NOS3: variants seen among roughly 807,000 people sequenced by gnomAD.
NOS3 encodes nitric oxide synthase 3.
A neutral mutation model predicts 144.9 loss-of-function variants in NOS3; 98 were observed. The observed-to-expected ratio is 0.68, with a 90% CI of 0.57 to 0.80. The LOEUF is 0.80. NOS3 is among the 30% of genes least tolerant of loss of function. NOS3 has a pLI of 0.00. For synonymous variants in NOS3, 714 were observed against 702.4 expected, an observed-to-expected ratio of 1.02 and a Z score of -0.26; for missense variants, 1,465 against 1,656.4, an observed-to-expected ratio of 0.88 and a Z score of 2.01.
chr7:150,993,621 G>A lies in NOS3; in HGVS notation c.-51-132G>A, dbSNP rs1230438638. On this transcript the variant is annotated intron_variant, in intron 1 of 26. Coordinates refer to ENST00000297494, the MANE Select transcript of NOS3 (RefSeq NM_000603.5). This position sits in a 1 kb window ranked among gnomAD's most constrained non-coding sequence, Gnocchi z 4.0. ...CACCCTTCAGGCCAGCGGGCGTGGA[G>A]CTGAGGCTTTAGAGCCTCCCAGCCG... The A allele has an allele frequency of 1.0e-5, 6 of 599,838 alleles. No individual in the cohort carries two copies. The highest frequency in any genetic ancestry group is 1.7e-5 in the Non-Finnish European group (6 of 353,722). The allele number at this position is 599,838 out of a possible 1,614,324, so 37.2% of individuals were successfully genotyped here. A position where few individuals can be genotyped will look rare whatever the true frequency, so the allele number is the denominator to read the frequency against.
At position 151,013,552 on chromosome 7, in the gene NOS3, T is replaced by TCCCGCCCCTGC. The variant is rs902753979; in HGVS notation, c.3256-162_3256-152dup. ...CCCCGGCCCCTCTAGGCCCGCCTCCTCCCGCCCCTGCCCCGCCCCTTTGGC... is the reference window on the plus strand; with the variant it reads ...CCCCGGCCCCTCTAGGCCCGCCTCCTCCCGCCCCTGCCCCGCCCCTGCCCCGCCCCTTTGGC... On this transcript the variant is annotated intron_variant, in intron 25 of 26. Transcript: ENST00000297494. 103 of 931,752 alleles carry TCCCGCCCCTGC rather than the reference T, an allele frequency of 1.1e-4. No individual in the cohort carries two copies. In the African/African-American group the frequency reaches 1.4e-3, roughly 13 times the overall value. 57.7% of individuals were successfully genotyped at this position (931,752 alleles called of 1,614,324 possible).
Position 151,001,829 on chromosome 7 carries a change from A to C in NOS3, c.1511A>C (p.Lys504Thr). The C allele has an allele frequency of 6.2e-7, 1 of 1,613,744 alleles. No homozygotes were observed. Among genetic ancestry groups the C allele is most frequent in the Non-Finnish European group, 8.5e-7 (1 of 1,180,028 alleles). ...KTFKEVANAVKISASLMGTVM... is the reference protein window; with the variant it reads ...KTFKEVANAVTISASLMGTVM... ...ACCTTCCTCTCCCGCAGCGCCGTGA[A>C]GATCTCCGCCTCGCTCATGGGCACG... Residue 504 changes from lysine to threonine, a missense_variant, in exon 13 of 27, where the codon AAG becomes ACG. By Grantham distance (78) the Lys-to-Thr change is moderately conservative. Coordinates refer to ENST00000297494, the MANE Select transcript of NOS3 (RefSeq NM_000603.5).
At position 151,002,591 on chromosome 7, in the gene NOS3, C is replaced by T. The variant is rs1474461959; in HGVS notation, c.1752+287C>T. On this transcript the variant is annotated intron_variant, in intron 14 of 26. Transcript: ENST00000297494. This position sits in a 1 kb window ranked among gnomAD's most constrained non-coding sequence, Gnocchi z 4.1. ...CGCGTCCCCAAGTCATTTCCATTAT[C>T]AGTGCAAGTTTTTAATACAAGGAAG... 6.6e-6 allele frequency among the ~76,000 whole-genome samples: 1 copy of T among 152,186 alleles called. No individual in the cohort carries two copies. Among genetic ancestry groups the T allele is most frequent in the Admixed American group, 6.5e-5 (1 of 15,270 alleles).
intron 12 of NOS3, 53 bp downstream of exon 12, chr7:151,001,670 TC>T (rs1224512598): frequency 1.9e-6 from 3 of 1,579,160 alleles, no homozygotes; most frequent in East Asian, 2.2e-5. Context: ...GGCCCCACTC[TC>T]CCCCACACAC....
chr7:151,001,574 G>A lies in NOS3; in HGVS notation c.1459G>A (p.Gly487Ser). The A allele has an allele frequency of 6.2e-7, 1 of 1,614,016 alleles. No individual in the cohort carries two copies. Among genetic ancestry groups the A allele is most frequent in the Admixed American group, 1.7e-5 (1 of 60,028 alleles). ...PDPWKGSAAK[G>S]TGITRKKTFK... ...CCCCTGGAAGGGGAGTGCCGCCAAG[G>A]GCACCGGCATCACCAGGAAGAAGAC... Residue 487 changes from glycine (G) to serine (S), a missense_variant, in exon 12 of 27, where the codon GGC (glycine) becomes AGC (serine). Physicochemically the swap from Gly to Ser is moderately conservative, Grantham distance 56. Transcript: ENST00000297494.
At chr7:150,999,593 G>A (rs898562165) in intron 9 of NOS3, among the ~76,000 whole-genome samples, 101 of 151,832 alleles carry the variant, frequency 6.7e-4, no homozygotes, top group African/African-American at 2.4e-3. Context: ...TGGGTTTCTG[G>A]GGTGTGCAGT....
rs1333394933 is a variant in NOS3 at position 151,003,569 on chromosome 7, A to G, written c.1752+1265A>G. 1.5e-6 allele frequency: 2 copies of G among 1,298,700 alleles called. No individual in the cohort carries two copies. The highest frequency in any genetic ancestry group is 2.5e-5 in the South Asian group (2 of 80,768). 80.4% of individuals were successfully genotyped at this position (1,298,700 alleles called of 1,614,324 possible). A position where few individuals can be genotyped will look rare whatever the true frequency, so the allele number is the denominator to read the frequency against. On this transcript the variant is annotated intron_variant, in intron 14 of 26. Coordinates refer to ENST00000297494, the MANE Select transcript of NOS3 (RefSeq NM_000603.5). The surrounding 1 kb of genome is among the most constrained non-coding windows in gnomAD (Gnocchi z 4.1). ...TTAGCATAAAGGTGTATAGACACCCATATAACCTACAGCCTTCACAAGGCA... is the reference window on the plus strand; with the variant it reads ...TTAGCATAAAGGTGTATAGACACCCGTATAACCTACAGCCTTCACAAGGCA...
At chr7:151,011,191 A>G (rs1264076205) in intron 23 of NOS3, among the ~76,000 whole-genome samples, 1 of 152,066 alleles carries the variant, frequency 6.6e-6, no homozygotes, top group African/African-American at 2.4e-5. Flanking sequence ...CCCTGAAACT[A>G]TAGCTCCCAG....
At chr7:151,012,208 GTTGTTTT>G (rs769429878) in intron 23 of NOS3, 136 bp from the exon 24 acceptor site, 42 of 658,372 alleles carry the variant, frequency 6.4e-5, no homozygotes, top group Admixed American at 9.1e-5. Flanking sequence ...AGCAAGTAGA[GTTGTTTT>G]TTGTTTTTTG....
In NOS3 at chr7:151,003,171, G is replaced by C. The variant is rs921613835; in HGVS notation, c.1752+867G>C. The stretch of plus-strand genomic sequence containing the variant: ...GACAGGGTCTCACTTTGTGGCCCAG[G>C]CTGGAGTGCAGTAGTACAATCACGG... On this transcript the variant is annotated intron_variant, in intron 14 of 26. Coordinates refer to ENST00000297494, the MANE Select transcript of NOS3 (RefSeq NM_000603.5). This position sits in a 1 kb window ranked among gnomAD's most constrained non-coding sequence, Gnocchi z 4.1. The C allele has an allele frequency of 1.5e-5, 7 of 453,290 alleles. No homozygotes were observed. Among genetic ancestry groups the C allele is most frequent in the African/African-American group, 1.4e-4 (7 of 49,948 alleles). 28.1% of individuals were successfully genotyped at this position (453,290 alleles called of 1,614,324 possible).
At chr7:150,994,909 G>C (rs1802336252) in intron 2 of NOS3, among the ~76,000 whole-genome samples, 1 of 152,182 alleles carries the variant, frequency 6.6e-6, no homozygotes, top group Non-Finnish European at 1.5e-5. Context: ...GCTTTGCGGG[G>C]GGTGGACACC....
chr7:151,009,334 T>A, intron 19 of NOS3, 64 bp from the exon 20 acceptor site: 1 of 1,023,788 alleles, frequency 9.8e-7, no homozygotes, highest in African/African-American at 2.1e-5. Context: ...ACCCTCCTCC[T>A]CCCACATTCT....
At chr7:150,999,474 G>A (rs1040846878) in intron 9 of NOS3, 110 bp downstream of exon 9, 5 of 1,229,582 alleles carry the variant, frequency 4.1e-6, no homozygotes, top group African/African-American at 3.0e-5. Context: ...AGCAGGTCCA[G>A]GGTTGCCTCC....
chr7:151,001,304 A>G lies in NOS3; in HGVS notation c.1307A>G (p.Lys436Arg). ...SFMKHLENEQ[K>R]ARGGCPADWA... Reference sequence around the variant, plus strand: ...ATGAAGCACCTGGAGAATGAGCAGAAGGCCAGGGGGGGCTGCCCTGCAGAC... The same window carrying G: ...ATGAAGCACCTGGAGAATGAGCAGAGGGCCAGGGGGGGCTGCCCTGCAGAC... The change falls in exon 11 of 27, where the codon AAG becomes AGG. Residue 436 changes from lysine (K) to arginine (R), a missense_variant. By Grantham distance (26) the Lys-to-Arg change is conservative. This residue lies in a region of NOS3 where 745 missense variants were observed against 853.9 expected (regional missense o/e 0.87). Coordinates refer to ENST00000297494, the MANE Select transcript of NOS3 (RefSeq NM_000603.5). 8 of 1,613,814 alleles carry G rather than the reference A, an allele frequency of 5.0e-6. No individual in the cohort carries two copies. Among genetic ancestry groups the G allele is most frequent in the Non-Finnish European group, 6.8e-6 (8 of 1,179,938 alleles).
At position 151,008,959 on chromosome 7, in the gene NOS3, G is replaced by A; in HGVS notation, c.2142G>A (p.Glu714=). The A allele has an allele frequency of 5.6e-6, 9 of 1,610,546 alleles. No individual in the cohort carries two copies. The highest frequency in any genetic ancestry group is 7.6e-6 in the Non-Finnish European group (9 of 1,179,100). Residue 714 remains glutamate, a synonymous_variant, in exon 18 of 27, where the codon GAG becomes GAA. Coordinates refer to ENST00000297494, the MANE Select transcript of NOS3 (RefSeq NM_000603.5). ...CCTGTGAGACCTTCTGTGTGGGAGA[G>A]GATGCCAAGGCCGCCGCCCGAGACA... ...QAACETFCVG[E]DAKAAARDIF...
chr7:151,012,411 C>G lies in NOS3; in HGVS notation c.3045C>G (p.Gly1015=). 6.2e-7 allele frequency: 1 copy of G among 1,606,670 alleles called. No homozygotes were observed. The highest frequency in any genetic ancestry group is 8.5e-7 in the Non-Finnish European group (1 of 1,177,260). The change falls in exon 24 of 27, where the codon GGC becomes GGG. Residue 1015 remains glycine (G), a synonymous_variant. Transcript: ENST00000297494. ...TGCCCTGCATCCTGGTGGGTCCAGG[C>G]ACTGGCATTGCCCCCTTCCGGGGAT... The part of the protein sequence containing the change: ...PSLPCILVGP[G]TGIAPFRGFW...
At position 151,010,966 on chromosome 7, in the gene NOS3, T is replaced by C; in HGVS notation, c.2964T>C (p.Pro988=). The C allele has an allele frequency of 1.2e-6, 2 of 1,613,514 alleles. No individual in the cohort carries two copies. Among genetic ancestry groups the C allele is most frequent in the East Asian group, 2.2e-5 (1 of 44,866 alleles). ...TAAGCCAGCTCAAGCCCGGAGACCC[T>C]GTGCCCTGCTTCATCCGGGGGTAAG... The part of the protein sequence containing the change: ...TWLSQLKPGD[P]VPCFIRGAPS... The change falls in exon 23 of 27, where the codon CCT becomes CCC. Residue 988 remains proline, a synonymous_variant. Transcript: ENST00000297494.
intron 14 of NOS3, among the ~76,000 whole-genome samples, chr7:151,004,809 G>T (rs1307064916): frequency 6.6e-6 from 1 of 152,128 alleles, no homozygotes; most frequent in Non-Finnish European, 1.5e-5. Flanking sequence ...CAGGAAGAAG[G>T]CACGAAGTTG....
intron 14 of NOS3, among the ~76,000 whole-genome samples, chr7:151,004,560 C>A (rs576946949): frequency 6.6e-6 from 1 of 152,152 alleles, no homozygotes. Context: ...TGACCATCGA[C>A]AAATACTGAT....
Sources: allele counts gnomAD v4.1 joint callset (sites outside exome capture counted in the v4.1 genomes callset), GRCh38; gene constraint gnomAD v4.1.1; regional missense constraint gnomAD v4.1.1; non-coding constraint Gnocchi (gnomAD v3.1); transcripts MANE v1.5; gene names NCBI Gene and HGNC (gene_info 2026-07-23, HGNC 2026-07-21).